Variants in DNAH2 observed in about 807,000 individuals in gnomAD.
DNAH2 encodes the protein dynein axonemal heavy chain 2, also known as axonemal beta dynein heavy chain 2.
A neutral mutation model predicts 523.5 loss-of-function variants in DNAH2; 323 were observed. That is an observed-to-expected ratio of 0.62 (90% confidence interval 0.56 to 0.68). DNAH2 has a LOEUF of 0.68. Ranked by LOEUF, DNAH2 falls within the 30% of genes least tolerant of loss-of-function variation. DNAH2 has a pLI of 0.00. For synonymous variants in DNAH2, 2,093 were observed against 2,177.4 expected (o/e 0.96, Z 1.08); for missense variants, 4,907 against 5,701.5 (o/e 0.86, Z 4.49).
rs190978368 is a variant in DNAH2, at chr17:7,816,280, C to T, written c.9730-291C>T. ...GGCTTATTATGCTTCAAGAGGTCTC[C>T]GTCCCCTACCCAGCTACCCTGAAAC... On this transcript the variant is annotated intron_variant, in intron 63 of 85. Coordinates refer to ENST00000572933, the MANE Select transcript of DNAH2 (RefSeq NM_020877.5). Among the ~76,000 whole-genome samples the T allele has an allele frequency of 3.6e-4, 48 of 132,938 alleles. No homozygotes were observed. In the East Asian group the frequency reaches 7.3e-3, roughly 20 times the overall value. The allele number at this position is 132,938 out of a possible 152,430, so 87.2% of individuals were successfully genotyped here.
At position 7,786,740 on chromosome 17, in the gene DNAH2, G is replaced by A; in HGVS notation, c.6466+53G>A. ...AGCAGACGCCTGAGTCTCCTAAGGG[G>A]GCAGGGAGTCTGGGGATAGGAAGTT... is the stretch of plus-strand genomic sequence containing the variant. On this transcript the variant is annotated intron_variant, in intron 41 of 85. Coordinates refer to ENST00000572933, the MANE Select transcript of DNAH2 (RefSeq NM_020877.5). The surrounding 1 kb of genome is among the most constrained non-coding windows in gnomAD (Gnocchi z 7.5). 6.2e-7 allele frequency: 1 copy of A among 1,602,570 alleles called. No homozygotes were observed. The highest frequency in any genetic ancestry group is 8.5e-7 in the Non-Finnish European group (1 of 1,170,770).
In DNAH2 at chr17:7,780,740, T is replaced by C. The variant is rs765768288; in HGVS notation, c.5961T>C (p.Ala1987=). 6.2e-7 allele frequency: 1 copy of C among 1,614,130 alleles called. No individual in the cohort carries two copies. Among genetic ancestry groups the C allele is most frequent in the Non-Finnish European group, 8.5e-7 (1 of 1,180,056 alleles). Residue 1987 remains alanine (A), a synonymous_variant, in exon 38 of 86, where the codon GCT becomes GCC. Coordinates refer to ENST00000572933, the MANE Select transcript of DNAH2 (RefSeq NM_020877.5). The surrounding 1 kb of genome is among the most constrained non-coding windows in gnomAD (Gnocchi z 4.4). ...CCCTCACCTCCCTTCTGCGCTATGC[T>C]GGCAAGAAGCGCCGCCTACAGCCGG... The part of the protein sequence containing the change: ...LRALTSLLRY[A]GKKRRLQPDL...
rs1026376222 is a variant in DNAH2, at chr17:7,807,740, A to C, written c.9729+154A>C. 6.6e-6 allele frequency among the ~76,000 whole-genome samples: 1 copy of C among 151,918 alleles called. No individual in the cohort carries two copies. The highest frequency in any genetic ancestry group is 1.5e-5 in the Non-Finnish European group (1 of 67,992). The stretch of plus-strand genomic sequence containing the variant: ...CTCCTTCCCACTCTGTGCCCTGTTT[A>C]GACTGGGCTGCCTCTGGCTCAGAAA... On this transcript the variant is annotated intron_variant, in intron 63 of 85. Transcript: ENST00000572933. This position sits in a 1 kb window ranked among gnomAD's most constrained non-coding sequence, Gnocchi z 5.6.
intron 9 of DNAH2, 34 bp from the exon 10 acceptor site, chr17:7,740,386 C>G: frequency 6.2e-7 from 1 of 1,611,632 alleles, no homozygotes; most frequent in Non-Finnish European, 8.5e-7. Flanking sequence ...CAGGCGAGGG[C>G]ACTCAGCTGC....
In DNAH2 at chr17:7,741,282, CTTTCTTTCTTT is replaced by C. The variant is rs1567624678; in HGVS notation, c.1689+291_1689+301del. On this transcript the variant is annotated intron_variant, in intron 11 of 85. Transcript: ENST00000572933. ...TCTTTCTTTCTTTCTTTCTTTCTTT[CTTTCTTTCTTT>C]CTTCCTTCCTTCCCTCCCTCCCTCC... Among the ~76,000 whole-genome samples, 68 of 59,324 alleles carry C rather than the reference CTTTCTTTCTTT, an allele frequency of 1.1e-3. 1 individual carries two copies. In the South Asian group the frequency reaches 0.012, roughly 11 times the overall value. The allele number at this position is 59,324 out of a possible 152,430, so 38.9% of individuals were successfully genotyped here. A position where few individuals can be genotyped will look rare whatever the true frequency, so the allele number is the denominator to read the frequency against.
chr17:7,745,203 C>A (rs1307240876), intron 12 of DNAH2, among the ~76,000 whole-genome samples: 2 of 152,110 alleles, frequency 1.3e-5, no homozygotes, highest in African/African-American at 4.8e-5. Context: ...CCATGTTGGC[C>A]AAGCTGGTCT....
At chr17:7,753,487 G>A (rs2075747204) in intron 12 of DNAH2, among the ~76,000 whole-genome samples, 1 of 152,186 alleles carries the variant, frequency 6.6e-6, no homozygotes, top group African/African-American at 2.4e-5. Context: ...TGCAAGGAAA[G>A]CAGATTCTTT....
rs1043617239 is a variant in DNAH2, at chr17:7,762,538, G to A, written c.2979-1293G>A. On this transcript the variant is annotated intron_variant, in intron 18 of 85. Coordinates refer to ENST00000572933, the MANE Select transcript of DNAH2 (RefSeq NM_020877.5). ...TTTAGTAGAGATGGGGTTTCATCGT[G>A]TTAGCCAGGATGGTCTCAATCTCCT... Among the ~76,000 whole-genome samples the A allele has an allele frequency of 9.2e-5, 14 of 151,852 alleles. 1 individual carries two copies. Among genetic ancestry groups the A allele is most frequent in the African/African-American group, 2.7e-4 (11 of 41,314 alleles).
rs973111471 is a variant in DNAH2 at position 7,763,707 on chromosome 17, A to G, written c.2979-124A>G. 2.7e-5 allele frequency: 30 copies of G among 1,121,644 alleles called. No individual in the cohort carries two copies. The East Asian group carries it at 5.0e-4, about 19-fold the overall frequency. 69.5% of individuals were successfully genotyped at this position (1,121,644 alleles called of 1,614,324 possible). ...TGGAATGAGGGATGCCTGGGAGTAG[A>G]AGAACACTCTAGAACTGCTGCCCAG... On this transcript the variant is annotated intron_variant, in intron 18 of 85. Transcript: ENST00000572933.
chr17:7,830,924 G>A, intron 79 of DNAH2, 82 bp downstream of exon 79: 2 of 1,575,644 alleles, frequency 1.3e-6, no homozygotes, highest in Admixed American at 3.4e-5. Flanking sequence ...GGTAATGTTT[G>A]AGGAGAGGAC....
Position 7,832,869 on chromosome 17 carries a change from C to A in DNAH2, c.12919C>A (p.Leu4307Ile). The change falls in exon 84 of 86, where the codon CTC (leucine) becomes ATC (isoleucine). Residue 4307 changes from leucine (L) to isoleucine (I), a missense_variant. Around this residue, in one of 3 missense-constraint regions of DNAH2, gnomAD observed 1,851 missense variants for 2,139.4 expected, o/e 0.87. Coordinates refer to ENST00000572933, the MANE Select transcript of DNAH2 (RefSeq NM_020877.5). This position sits in a 1 kb window ranked among gnomAD's most constrained non-coding sequence, Gnocchi z 4.3. ...CAACCCCCAGGTTTCAGTGGACAGC[C>A]TCTCCTGGGAGTTTATCGTTTCCAC... ...ARQNNVSVDS[L>I]SWEFIVSTVD... The A allele has an allele frequency of 6.2e-7, 1 of 1,614,236 alleles. No individual in the cohort carries two copies.
At chr17:7,794,225 T>C in intron 48 of DNAH2, 29 bp from the exon 49 acceptor site, 1 of 1,564,010 alleles carries the variant, frequency 6.4e-7, no homozygotes. Context: ...CCCTCCTGCC[T>C]GTCTGCCCTC....
intron 29 of DNAH2, 120 bp downstream of exon 29, chr17:7,775,096 A>G (rs1376608896): frequency 7.9e-6 from 10 of 1,270,170 alleles, no homozygotes; most frequent in Admixed American, 7.1e-5. Context: ...ATGATTCTCA[A>G]TTCTCAGGGG....
At chr17:7,818,555 G>A in intron 69 of DNAH2, 88 bp from the exon 70 acceptor site, 1 of 1,602,716 alleles carries the variant, frequency 6.2e-7, no homozygotes, top group East Asian at 2.2e-5. Context: ...GGCAGCTGAG[G>A]ATGAGGGGTC....
At chr17:7,794,057 C>T (rs1032315060) in intron 48 of DNAH2, among the ~76,000 whole-genome samples, 197 bp from the exon 49 acceptor site, 3 of 152,126 alleles carry the variant, frequency 2.0e-5, no homozygotes, top group Admixed American at 1.3e-4. Flanking sequence ...AAATAAGTTT[C>T]CCATGTCCCT....
At position 7,780,035 on chromosome 17, in the gene DNAH2, T is replaced by TG. The variant is rs767390985; in HGVS notation, c.5723-120dup. 15 of 1,326,390 alleles carry TG rather than the reference T, an allele frequency of 1.1e-5. No individual in the cohort carries two copies. Among genetic ancestry groups the TG allele is most frequent in the Non-Finnish European group, 1.3e-5 (13 of 963,686 alleles). 82.2% of individuals were successfully genotyped at this position (1,326,390 alleles called of 1,614,324 possible). A position where few individuals can be genotyped will look rare whatever the true frequency, so the allele number is the denominator to read the frequency against. The stretch of plus-strand genomic sequence containing the variant: ...ATGAGAAAGGATGTGGTCTTGGAGT[T>TG]GGAGAGAAAGTTAGGGATGGAGTTA... On this transcript the variant is annotated intron_variant, in intron 36 of 85. Coordinates refer to ENST00000572933, the MANE Select transcript of DNAH2 (RefSeq NM_020877.5). This position sits in a 1 kb window ranked among gnomAD's most constrained non-coding sequence, Gnocchi z 4.4.
In DNAH2 at chr17:7,759,113, G is replaced by A; in HGVS notation, c.2437G>A (p.Asp813Asn). 1 of 1,614,096 alleles carries A rather than the reference G, an allele frequency of 6.2e-7. No individual in the cohort carries two copies. The highest frequency in any genetic ancestry group is 1.3e-5 in the African/African-American group (1 of 75,050). Residue 813 changes from aspartate (D) to asparagine (N), a missense_variant, in exon 15 of 86, where the codon GAT becomes AAT. By Grantham distance (23) the Asp-to-Asn change is conservative. This residue lies in a region of DNAH2 where 2,806 missense variants were observed against 3,190.8 expected (regional missense o/e 0.88). Transcript: ENST00000572933. ...CAACTCCTATGAGGTCTTCAAGAAT[G>A]ATGGTCCTGAGGTAGGGTTCCTGTG... ...MTNSYEVFKN[D>N]GPEIQQQWML...
chr17:7,802,617 G>A (rs1018491447), intron 58 of DNAH2, among the ~76,000 whole-genome samples: 1 of 152,104 alleles, frequency 6.6e-6, no homozygotes, highest in African/African-American at 2.4e-5. Context: ...AGGGAATAAT[G>A]ACAAGAAGAA....
intron 11 of DNAH2, among the ~76,000 whole-genome samples, 177 bp downstream of exon 11, chr17:7,741,169 T>A (rs1312846818): frequency 6.6e-6 from 1 of 152,186 alleles, no homozygotes; most frequent in Non-Finnish European, 1.5e-5. Context: ...AGGTGGTGTG[T>A]GAGGCTGGTA....
Sources: gnomAD v4.1 joint callset for allele counts (sites outside exome capture counted in the v4.1 genomes callset) on GRCh38, gnomAD v4.1.1 for gene constraint, gnomAD v4.1.1 regional missense constraint, Gnocchi (gnomAD v3.1) non-coding constraint, MANE v1.5 for transcripts, NCBI Gene and HGNC (gene_info 2026-07-23, HGNC 2026-07-21) for gene names.